RBFOX1: variants seen among roughly 807,000 people sequenced by gnomAD.
RBFOX1 encodes the protein RNA binding protein fox-1 homolog 1.
RBFOX1 carries 8 observed loss-of-function variants against 57.7 expected under a neutral mutation model. That is an observed-to-expected ratio of 0.14 (90% CI 0.08 to 0.25). The LOEUF (loss-of-function observed/expected upper bound fraction) is 0.25, where lower values mean the gene tolerates loss of function less well. Ranked by LOEUF, RBFOX1 falls within the 10% of genes least tolerant of loss-of-function variation. RBFOX1 has a pLI of 1.00. For missense variants in RBFOX1, 611 were observed against 548.5 expected (o/e 1.11, Z -1.14); for synonymous variants, 326 against 222.4 (o/e 1.47, Z -4.15).
At chr16:5,301,753 G>T (rs189408281) in intron 1 of RBFOX1, among the ~76,000 whole-genome samples, 85 of 151,966 alleles carry the variant, frequency 5.6e-4, no homozygotes, top group African/African-American at 2.0e-3. Context: ...AAAGAACCAC[G>T]TATTACAGCC....
At chr16:5,838,821 C>T (rs186720909) in intron 3 of RBFOX1, among the ~76,000 whole-genome samples, 1 of 152,330 alleles carries the variant, frequency 6.6e-6, no homozygotes, top group East Asian at 1.9e-4. Context: ...TTAACGTGAA[C>T]TAAGCACTTT....
At chr16:7,551,352 A>G (rs2086463170) in intron 5 of RBFOX1, among the ~76,000 whole-genome samples, 1 of 152,048 alleles carries the variant, frequency 6.6e-6, no homozygotes, top group Non-Finnish European at 1.5e-5. Context: ...GGGGAAGCAG[A>G]TGAGATGTAC....
At chr16:5,827,347 C>G (rs1257102485) in intron 3 of RBFOX1, among the ~76,000 whole-genome samples, 2 of 146,924 alleles carry the variant, frequency 1.4e-5, no homozygotes, top group African/African-American at 2.5e-5. Flanking sequence ...TTGCAGTGAG[C>G]CAAGATCGTG....
chr16:5,457,432 G>A (rs1450127703), intron 1 of RBFOX1, among the ~76,000 whole-genome samples: 2 of 152,146 alleles, frequency 1.3e-5, no homozygotes, highest in African/African-American at 2.4e-5. Flanking sequence ...CCTGCACCCA[G>A]CCCATCTATC....
intron 15 of RBFOX1, chr16:7,709,474 C>A: frequency 6.9e-7 from 1 of 1,454,850 alleles, no homozygotes; most frequent in Non-Finnish European, 9.0e-7. Context: ...TTTTCCCTCC[C>A]TTGCTGCTCA....
At chr16:6,388,831 C>G (rs1237827276) in intron 2 of RBFOX1, among the ~76,000 whole-genome samples, 2 of 152,156 alleles carry the variant, frequency 1.3e-5, no homozygotes, top group Non-Finnish European at 2.9e-5. Flanking sequence ...AAGCCAGGCA[C>G]AAACATACAA....
At position 5,913,285 on chromosome 16, in the gene RBFOX1, C is replaced by T. The variant is rs111741671; in HGVS notation, c.351+45950C>T. On this transcript the variant is annotated intron_variant, in intron 4 of 19. Transcript: ENST00000641259. ...CACCCCTACCATGTATGGGTTGTTT[C>T]GACCCACGCAGGGGTTGATATGATT... Among the ~76,000 whole-genome samples, 30 of 152,240 alleles carry T rather than the reference C, an allele frequency of 2.0e-4. 1 individual carries two copies. Among genetic ancestry groups the T allele is most frequent in the Admixed American group, 6.5e-4 (10 of 15,296 alleles).
intron 4 of RBFOX1, among the ~76,000 whole-genome samples, chr16:7,277,189 A>G (rs535944725): frequency 6.6e-6 from 1 of 152,124 alleles, no homozygotes; most frequent in African/African-American, 2.4e-5. Flanking sequence ...ACCGACTTTT[A>G]TTTAATGATT....
intron 4 of RBFOX1, among the ~76,000 whole-genome samples, chr16:7,055,383 C>A (rs1292787007): frequency 6.6e-6 from 1 of 152,132 alleles, no homozygotes; most frequent in Non-Finnish European, 1.5e-5. Context: ...TAACTCTCCA[C>A]CTCCCAGTTC....
chr16:5,510,949 A>G (rs2043562145), intron 2 of RBFOX1, among the ~76,000 whole-genome samples: 1 of 152,200 alleles, frequency 6.6e-6, no homozygotes, highest in South Asian at 2.1e-4. Flanking sequence ...TATTATCTGA[A>G]TCACCTGTGC....
intron 3 of RBFOX1, among the ~76,000 whole-genome samples, chr16:6,971,513 T>TGC (rs1215119616): frequency 6.6e-6 from 1 of 151,522 alleles, no homozygotes. Flanking sequence ...AGAGTTGGTG[T>TGC]GTGTGTGTGT....
At chr16:7,165,092 C>T (rs760715035) in intron 4 of RBFOX1, among the ~76,000 whole-genome samples, 2 of 152,104 alleles carry the variant, frequency 1.3e-5, no homozygotes, top group East Asian at 3.9e-4. Context: ...CTTTGGTAGC[C>T]AAGGATGCAA....
intron 3 of RBFOX1, among the ~76,000 whole-genome samples, chr16:6,669,908 G>A (rs893317226): frequency 3.9e-5 from 6 of 152,060 alleles, no homozygotes; most frequent in Non-Finnish European, 8.8e-5. Flanking sequence ...ACCGACCCAT[G>A]GTATATGGAG....
chr16:7,154,105 G>A (rs548947761), intron 4 of RBFOX1, among the ~76,000 whole-genome samples: 1 of 152,300 alleles, frequency 6.6e-6, no homozygotes, highest in East Asian at 1.9e-4. Flanking sequence ...TTAGCAGGTA[G>A]AAAAGCACTC....
In RBFOX1 at chr16:5,424,755, A is replaced by G. The variant is rs556983168; in HGVS notation, c.220-42461A>G. Among the ~76,000 whole-genome samples the G allele has an allele frequency of 7.9e-5, 12 of 152,134 alleles. 1 individual carries two copies. The highest frequency in any genetic ancestry group is 3.9e-4 in the East Asian group (2 of 5,170). On this transcript the variant is annotated intron_variant, in intron 1 of 2. Transcript: ENST00000585867. ...GTTGAATATTGTTGGGGTTTGGTGT[A>G]TGAATGATCCCATCACCCAGGTAAG... is the stretch of plus-strand genomic sequence containing the variant.
chr16:6,581,204 AT>A (rs943921451), intron 2 of RBFOX1, among the ~76,000 whole-genome samples: 22 of 152,124 alleles, frequency 1.4e-4, no homozygotes, highest in Admixed American at 1.3e-3. Context: ...TTCAAGTAGG[AT>A]TTCTAAAGAC....
intron 3 of RBFOX1, among the ~76,000 whole-genome samples, chr16:6,872,554 C>G (rs1006408284): frequency 6.6e-6 from 1 of 152,078 alleles, no homozygotes; most frequent in Admixed American, 6.6e-5. Flanking sequence ...ATATTGGAAA[C>G]ATTCTTTAAA....
At chr16:6,818,675 GC>G (rs2090654850) in intron 3 of RBFOX1, among the ~76,000 whole-genome samples, 1 of 152,048 alleles carries the variant, frequency 6.6e-6, no homozygotes, top group African/African-American at 2.4e-5. Flanking sequence ...TTCTGGTAAA[GC>G]CCCTTAGTGT....
chr16:6,967,167 G>C (rs1263145979), intron 3 of RBFOX1, among the ~76,000 whole-genome samples: 3 of 151,720 alleles, frequency 2.0e-5, no homozygotes, highest in African/African-American at 4.8e-5. Context: ...CCATGTGTTT[G>C]TACATTCACA....
Sources: allele counts gnomAD v4.1 joint callset (sites outside exome capture counted in the v4.1 genomes callset), GRCh38; gene constraint gnomAD v4.1.1; transcripts MANE v1.5; gene names NCBI Gene and HGNC (gene_info 2026-07-23, HGNC 2026-07-21).